The following TAPT1 variants were observed in gnomAD, a reference collection of about 807,000 sequenced individuals.
TAPT1 encodes the protein transmembrane anterior posterior transformation 1, also known as transmembrane anterior posterior transformation protein 1 homolog.
Under a neutral mutation model 65.6 loss-of-function variants are expected in TAPT1, and 28 were observed. The observed-to-expected ratio is 0.43, with a 90% CI of 0.32 to 0.59. TAPT1 has a LOEUF of 0.59. Ranked by LOEUF, TAPT1 falls within the 20% of genes least tolerant of loss-of-function variation. The pLI is 0.09. For missense variants in TAPT1, 563 were observed against 679.9 expected, an observed-to-expected ratio of 0.83 and a Z score of 1.91; for synonymous variants, 278 against 245.2, an observed-to-expected ratio of 1.13 and a Z score of -1.25.
At chr4:16,180,894 A>AT (rs1217012852) in intron 7 of TAPT1, among the ~76,000 whole-genome samples, 1 of 152,142 alleles carries the variant, frequency 6.6e-6, no homozygotes, top group Non-Finnish European at 1.5e-5. Context: ...CTGAAGCACT[A>AT]TTTATTATGA....
At chr4:16,171,508 G>C (rs1747986740) in intron 11 of TAPT1, among the ~76,000 whole-genome samples, 1 of 152,158 alleles carries the variant, frequency 6.6e-6, no homozygotes, top group African/African-American at 2.4e-5. Context: ...GTCTTATCTA[G>C]TAATGTCAAG....
At chr4:16,191,129 C>G in intron 4 of TAPT1, 1 of 409,722 alleles carries the variant, frequency 2.4e-6, no homozygotes, top group Middle Eastern at 3.2e-4. Flanking sequence ...TGTCCCAGAC[C>G]AGCAGCATGA....
intron 1 of TAPT1, among the ~76,000 whole-genome samples, chr4:16,216,628 A>T (rs1173091605): frequency 1.3e-5 from 2 of 152,174 alleles, no homozygotes; most frequent in African/African-American, 2.4e-5. Flanking sequence ...CCCAGGGCCA[A>T]TCTTGACAAT....
At chr4:16,196,152 G>A (rs115011914) in intron 3 of TAPT1, among the ~76,000 whole-genome samples, 281 of 152,228 alleles carry the variant, frequency 1.8e-3, no homozygotes, top group African/African-American at 6.5e-3. Context: ...GTGAAATCAA[G>A]ATGTTTTCCT....
intron 12 of TAPT1, among the ~76,000 whole-genome samples, chr4:16,168,702 A>G (rs1747799232): frequency 6.6e-6 from 1 of 152,254 alleles, no homozygotes; most frequent in Non-Finnish European, 1.5e-5. Context: ...AACTGTCAAT[A>G]GAGTGACTTG....
At chr4:16,194,825 G>A (rs1749590045) in intron 3 of TAPT1, among the ~76,000 whole-genome samples, 1 of 151,442 alleles carries the variant, frequency 6.6e-6, no homozygotes, top group Non-Finnish European at 1.5e-5. Flanking sequence ...AATACAAGAA[G>A]CAGAACCTTT....
intron 1 of TAPT1, among the ~76,000 whole-genome samples, chr4:16,215,646 C>T (rs1385087059): frequency 6.6e-6 from 1 of 152,208 alleles, no homozygotes; most frequent in Non-Finnish European, 1.5e-5. Flanking sequence ...AATCTATCTA[C>T]ATGTGTCGTA....
intron 3 of TAPT1, among the ~76,000 whole-genome samples, chr4:16,200,369 C>G (rs947549469): frequency 1.3e-5 from 2 of 152,170 alleles, no homozygotes; most frequent in Middle Eastern, 3.2e-3. Flanking sequence ...ATCACCCAGG[C>G]TGGAGTGCAG....
At chr4:16,214,597 TTA>T (rs1750829682) in intron 1 of TAPT1, 1 of 152,184 alleles carries the variant, frequency 6.6e-6, no homozygotes. Flanking sequence ...AGGAAGTTAT[TTA>T]TATACTTTCC....
intron 3 of TAPT1, among the ~76,000 whole-genome samples, chr4:16,202,145 T>C (rs567095827): frequency 6.6e-6 from 1 of 152,238 alleles, no homozygotes; most frequent in East Asian, 1.9e-4. Context: ...CCAGGTGAGT[T>C]AAGAACGTGA....
At chr4:16,178,112 C>G (rs368461470) in intron 8 of TAPT1, among the ~76,000 whole-genome samples, 4 of 152,266 alleles carry the variant, frequency 2.6e-5, no homozygotes, top group South Asian at 4.2e-4. Context: ...ACACATACCC[C>G]CTCTGCCCTT....
chr4:16,177,715 T>G (rs1029566269), intron 8 of TAPT1, among the ~76,000 whole-genome samples: 3 of 152,198 alleles, frequency 2.0e-5, no homozygotes, highest in Non-Finnish European at 4.4e-5. Context: ...AATGAGATAA[T>G]GGTGCACAGC....
intron 7 of TAPT1, among the ~76,000 whole-genome samples, chr4:16,186,010 C>T (rs555498334): frequency 1.3e-5 from 2 of 152,306 alleles, no homozygotes; most frequent in South Asian, 4.2e-4. Flanking sequence ...CTTGGGGGCT[C>T]CATGATCCAC....
rs1219669099 is a variant in TAPT1, at chr4:16,161,483, T to C, written c.*1825A>G. ...TAATTCAAGCGGAACTGAAGATCTA[T>C]CCAAACCATGTTCCTGCTCTGAAAT... On this transcript the variant is annotated 3_prime_UTR_variant, in exon 14 of 14. Coordinates refer to ENST00000405303, the MANE Select transcript of TAPT1 (RefSeq NM_153365.3). The C allele has an allele frequency of 2.0e-5, 3 of 152,588 alleles. No homozygotes were observed. The highest frequency in any genetic ancestry group is 7.2e-5 in the African/African-American group (3 of 41,438). The allele number at this position is 152,588 out of a possible 1,614,324, so 9.5% of individuals were successfully genotyped here. A position where few individuals can be genotyped will look rare whatever the true frequency, so the allele number is the denominator to read the frequency against.
At chr4:16,212,300 T>G (rs1200817378) in intron 2 of TAPT1, among the ~76,000 whole-genome samples, 1 of 152,206 alleles carries the variant, frequency 6.6e-6, no homozygotes, top group Non-Finnish European at 1.5e-5. Context: ...AAAAGCTGAT[T>G]GTGGCTGGCA....
At chr4:16,220,110 C>T (rs1751162840) in intron 1 of TAPT1, among the ~76,000 whole-genome samples, 1 of 152,190 alleles carries the variant, frequency 6.6e-6, no homozygotes, top group African/African-American at 2.4e-5. Flanking sequence ...CAGTGTTTCG[C>T]TTGTTTTTAT....
intron 3 of TAPT1, among the ~76,000 whole-genome samples, chr4:16,196,025 T>C (rs1200558917): frequency 1.3e-5 from 2 of 152,222 alleles, no homozygotes; most frequent in African/African-American, 4.8e-5. Context: ...CAGCCATTTG[T>C]GGTATAATTG....
chr4:16,184,039 T>C (rs1160357252), intron 7 of TAPT1, among the ~76,000 whole-genome samples: 1 of 152,210 alleles, frequency 6.6e-6, no homozygotes, highest in Admixed American at 6.5e-5. Flanking sequence ...AATATACAGG[T>C]AAAATTTACA....
At chr4:16,163,944 C>G (rs962772325) in intron 13 of TAPT1, among the ~76,000 whole-genome samples, 8 of 152,174 alleles carry the variant, frequency 5.3e-5, no homozygotes, top group African/African-American at 1.9e-4. Context: ...CACCTGTCAT[C>G]TGTAGTCACT....
Sources: allele counts gnomAD v4.1 joint callset (sites outside exome capture counted in the v4.1 genomes callset), GRCh38; gene constraint gnomAD v4.1.1; transcripts MANE v1.5; gene names NCBI Gene and HGNC (gene_info 2026-07-23, HGNC 2026-07-21).